Variants in MYH3 observed in about 807,000 individuals in gnomAD.
The protein encoded by MYH3 is myosin-3.
A neutral mutation model predicts 238.0 loss-of-function variants in MYH3; 130 were observed. The observed-to-expected ratio is 0.55, with a 90% CI of 0.47 to 0.63. The LOEUF is 0.63. Among genes scored for constraint, MYH3 ranks in the 30% least tolerant of loss-of-function variants. The pLI is 0.00. For synonymous variants in MYH3, 880 were observed against 924.1 expected (o/e 0.95, Z 0.86); for missense variants, 1,853 against 2,374.9 (o/e 0.78, Z 4.57).
At chr17:10,666,419 A>AAAAAAAAAAAAAAACTT in the MYH3 span, among the ~76,000 whole-genome samples, 1 of 136,708 alleles carries the variant, frequency 7.3e-6, no homozygotes, top group Non-Finnish European at 1.6e-5. Flanking sequence ...GTCTCTACAA[A>AAAAAAAAAAAAAAACTT]AAAAAACCAG....
chr17:10,648,250 G>A (rs979782674), intron 8 of MYH3, among the ~76,000 whole-genome samples: 5 of 151,616 alleles, frequency 3.3e-5, no homozygotes, highest in South Asian at 2.1e-4. Context: ...CCCTTCCTTC[G>A]TTCCCCCTCC....
chr17:10,648,534 A>G lies in MYH3; in HGVS notation c.735+23T>C, dbSNP rs774852592. The G allele has an allele frequency of 6.2e-6, 10 of 1,603,026 alleles. No individual in the cohort carries two copies. In the East Asian group the frequency reaches 2.2e-4, roughly 36 times the overall value. On this transcript the variant is annotated intron_variant, in intron 8 of 40. Transcript: ENST00000583535. ...TTTTGTGAGGCACAAAGCAAATTCC[A>G]TCTTAACCAAACTCAGACTCACAAA...
At chr17:10,631,374 A>T (rs2074155168) in intron 36 of MYH3, among the ~76,000 whole-genome samples, 1 of 152,182 alleles carries the variant, frequency 6.6e-6, no homozygotes, top group South Asian at 2.1e-4. Flanking sequence ...AAGGAAAGAC[A>T]TGCACACCTC....
At chr17:10,658,104 T>C (rs1053626936), upstream of MYH3, among the ~76,000 whole-genome samples, 4 of 151,776 alleles carry the variant, frequency 2.6e-5, no homozygotes, top group African/African-American at 7.3e-5. Flanking sequence ...CTGGCTGGGA[T>C]GGGGTAGGGG....
the MYH3 span, chr17:10,676,290 C>T: frequency 6.6e-6 from 1 of 152,224 alleles, no homozygotes; most frequent in Non-Finnish European, 1.5e-5. Flanking sequence ...CGGGTTTCTC[C>T]ATGTTGGTCA....
chr17:10,634,086 G>T lies in MYH3; in HGVS notation c.4453C>A (p.Leu1485Met). 1 of 1,614,192 alleles carries T rather than the reference G, an allele frequency of 6.2e-7. No individual in the cohort carries two copies. The highest frequency in any genetic ancestry group is 1.3e-5 in the African/African-American group (1 of 75,052). Reference sequence around the variant, plus strand: ...AAGGCTTCCTCGTAGGCATTTTTCAGTTTGAAGAGCTCAGTGCTCAAGGAG... The same window carrying T: ...AAGGCTTCCTCGTAGGCATTTTTCATTTTGAAGAGCTCAGTGCTCAAGGAG... ...SRSLSTELFK[L>M]KNAYEEALDQ... Residue 1485 changes from leucine (L) to methionine (M), a missense_variant, in exon 32 of 41, where the codon CTG (leucine) becomes ATG (methionine). By Grantham distance (15) the Leu-to-Met change is conservative (BLOSUM62 2). This residue lies in a region of MYH3 where 1,044 missense variants were observed against 1,192.6 expected (regional missense o/e 0.88). Coordinates refer to ENST00000583535, the MANE Select transcript of MYH3 (RefSeq NM_002470.4).
At position 10,628,533 on chromosome 17, in the gene MYH3, T is replaced by C; in HGVS notation, c.*120A>G. The C allele has an allele frequency of 8.4e-7, 1 of 1,188,728 alleles. No individual in the cohort carries two copies. Among genetic ancestry groups the C allele is most frequent in the Middle Eastern group, 2.0e-4 (1 of 5,032 alleles). The allele number at this position is 1,188,728 out of a possible 1,614,324, so 73.6% of individuals were successfully genotyped here. A position where few individuals can be genotyped will look rare whatever the true frequency, so the allele number is the denominator to read the frequency against. On this transcript the variant is annotated 3_prime_UTR_variant, in exon 41 of 41. Transcript: ENST00000583535. Reference sequence around the variant, plus strand: ...CAAATACAGCAAAGCGGCCCCAGATTGAAACAAAGCAAAGTTTATTGCATG... The same window carrying C: ...CAAATACAGCAAAGCGGCCCCAGATCGAAACAAAGCAAAGTTTATTGCATG...
intron 26 of MYH3, 106 bp from the exon 27 acceptor site, chr17:10,638,538 A>G: frequency 1.4e-6 from 2 of 1,447,936 alleles, no homozygotes; most frequent in Non-Finnish European, 1.9e-6. Context: ...TGAGTCTTAG[A>G]CTCCCCTCCA....
rs779519546 is a variant in MYH3 at position 10,642,790 on chromosome 17, A to C, written c.1581+36T>G. ...GCTGCAGTAATGAGCAGAAGAGTCT[A>C]TGAGAAGAGCTTACGGTGGGGATGG... is the stretch of plus-strand genomic sequence containing the variant. On this transcript the variant is annotated intron_variant, in intron 15 of 40. Transcript: ENST00000583535. The surrounding 1 kb of genome is among the most constrained non-coding windows in gnomAD (Gnocchi z 5.4). The C allele has an allele frequency of 1.9e-6, 3 of 1,614,040 alleles. No individual in the cohort carries two copies. The highest frequency in any genetic ancestry group is 3.3e-5 in the Admixed American group (2 of 59,994).
upstream of MYH3, among the ~76,000 whole-genome samples, chr17:10,661,449 T>C (rs2074479888): frequency 6.6e-6 from 1 of 152,080 alleles, no homozygotes; most frequent in Non-Finnish European, 1.5e-5. Flanking sequence ...TAGTGGCATA[T>C]TATTAGCTGG....
chr17:10,653,022 G>A (rs1012976251), intron 3 of MYH3, among the ~76,000 whole-genome samples: 30 of 152,176 alleles, frequency 2.0e-4, no homozygotes, highest in Non-Finnish European at 4.0e-4. Context: ...ACAGCGAGAG[G>A]AGGAAAGGCT....
the MYH3 span, chr17:10,677,099 G>C: frequency 6.6e-6 from 1 of 152,248 alleles, no homozygotes; most frequent in Non-Finnish European, 1.5e-5. Flanking sequence ...CTGAGGTTGA[G>C]AGTTCGAGAC....
chr17:10,673,270 T>C, the MYH3 span: 1 of 152,244 alleles, frequency 6.6e-6, no homozygotes, highest in South Asian at 2.1e-4. Context: ...TGTCTGGTTA[T>C]GTGCATCCCA....
upstream of MYH3, among the ~76,000 whole-genome samples, chr17:10,660,472 G>A (rs746993010): frequency 5.8e-4 from 86 of 148,920 alleles, no homozygotes; most frequent in Non-Finnish European, 9.8e-4. Flanking sequence ...TCAGGAGATC[G>A]ATACCATCCT....
rs756727858 is a variant in MYH3 at position 10,652,409 on chromosome 17, C to G, written c.348+11G>C. On this transcript the variant is annotated intron_variant, in intron 4 of 40. Coordinates refer to ENST00000583535, the MANE Select transcript of MYH3 (RefSeq NM_002470.4). ...TGCCCCAGGGAAACCACGTCGAAAG[C>G]CCTCGCTGACATAGATCATCCAAGA... is the stretch of plus-strand genomic sequence containing the variant. 1 of 1,613,800 alleles carries G rather than the reference C, an allele frequency of 6.2e-7. No homozygotes were observed. The highest frequency in any genetic ancestry group is 2.2e-5 in the East Asian group (1 of 44,864).
At chr17:10,651,744 A>T (rs71360285) in intron 4 of MYH3, 76 bp from the exon 5 acceptor site, 525 of 1,133,402 alleles carry the variant, frequency 4.6e-4, no homozygotes, top group East Asian at 8.4e-4. Context: ...TATTATTATT[A>T]TTGTTTTTTT....
In MYH3 at chr17:10,638,023, A is replaced by G. The variant is rs1716871478; in HGVS notation, c.3729+20T>C. ...TGTGTCTGATGGAAAGCCTTGAGCCACCCCCACCCCGCGCAGCACCTTAGA... is the reference window on the plus strand; with the variant it reads ...TGTGTCTGATGGAAAGCCTTGAGCCGCCCCCACCCCGCGCAGCACCTTAGA... On this transcript the variant is annotated intron_variant, in intron 27 of 40. Transcript: ENST00000583535. 6.2e-7 allele frequency: 1 copy of G among 1,610,522 alleles called. No individual in the cohort carries two copies. Among genetic ancestry groups the G allele is most frequent in the African/African-American group, 1.3e-5 (1 of 74,706 alleles).
chr17:10,646,355 C>T (rs2074321450), intron 10 of MYH3, among the ~76,000 whole-genome samples: 1 of 152,044 alleles, frequency 6.6e-6, no homozygotes, highest in African/African-American at 2.4e-5. Flanking sequence ...CGGGTCAGGA[C>T]GAGAGCCAAC....
rs1439322261 is a variant in MYH3, at chr17:10,643,016, T to C, written c.1411-20A>G. ...GTTATACTAATAAAAAAATACAACA[T>C]TCATGTGAAAAGTTAGACTTCTTTC... is the stretch of plus-strand genomic sequence containing the variant. On this transcript the variant is annotated intron_variant, in intron 14 of 40. Transcript: ENST00000583535. The C allele has an allele frequency of 6.2e-7, 1 of 1,614,014 alleles. No individual in the cohort carries two copies. The highest frequency in any genetic ancestry group is 1.3e-5 in the African/African-American group (1 of 74,926).
Sources: allele counts gnomAD v4.1 joint callset (sites outside exome capture counted in the v4.1 genomes callset), GRCh38; gene constraint gnomAD v4.1.1; regional missense constraint gnomAD v4.1.1; non-coding constraint Gnocchi (gnomAD v3.1); transcripts MANE v1.5; gene names NCBI Gene and HGNC (gene_info 2026-07-23, HGNC 2026-07-21).